Variants in INPP5B observed in about 807,000 individuals in gnomAD.
INPP5B encodes the protein inositol polyphosphate-5-phosphatase B.
Under a neutral mutation model 118.5 loss-of-function variants are expected in INPP5B, and 90 were observed. That is an observed-to-expected ratio of 0.76 (90% CI 0.64 to 0.90). The LOEUF (loss-of-function observed/expected upper bound fraction) is 0.90, where lower values mean the gene tolerates loss of function less well. INPP5B is among the 40% of genes least tolerant of loss of function. The pLI, the probability that INPP5B is intolerant of heterozygous loss-of-function variation, is 0.00. For missense variants in INPP5B, 984 were observed against 1,125.6 expected (o/e 0.87, Z 1.80); for synonymous variants, 385 against 418.9 (o/e 0.92, Z 0.99).
chr1:37,864,241 C>CCTCAACCTCATTT (rs1362429141), intron 23 of INPP5B, 71 bp downstream of exon 23: 2 of 854,342 alleles, frequency 2.3e-6, no homozygotes, highest in African/African-American at 3.4e-5. Flanking sequence ...CTGGGACCCT[C>CCTCAACCTCATTT]CTCAACCTCA....
intron 17 of INPP5B, 136 bp from the exon 18 acceptor site, chr1:37,874,291 C>A (rs1642653213): frequency 1.7e-6 from 1 of 575,976 alleles, no homozygotes; most frequent in Non-Finnish European, 2.7e-6. Flanking sequence ...AAGTATCTAC[C>A]TGGGAGGCCA....
At chr1:37,932,179 G>A (rs1174306948) in intron 6 of INPP5B, 126 bp from the exon 7 acceptor site, 3 of 899,194 alleles carry the variant, frequency 3.3e-6, no homozygotes, top group African/African-American at 1.7e-5. Flanking sequence ...TGCGCACTGA[G>A]GTTCAAATGC....
At chr1:37,931,718 T>G (rs761878850) in intron 7 of INPP5B, 195 bp downstream of exon 7, 4 of 1,557,288 alleles carry the variant, frequency 2.6e-6, no homozygotes, top group Admixed American at 1.8e-5. Context: ...GACATTTCCC[T>G]GCCTGCTTCC....
intron 7 of INPP5B, among the ~76,000 whole-genome samples, chr1:37,912,457 C>A (rs115036551): frequency 0.039 from 5,929 of 152,238 alleles, 384 homozygotes; most frequent in African/African-American, 0.14. Context: ...TAGGTCTATT[C>A]ATCCTTACCC....
intron 1 of INPP5B, among the ~76,000 whole-genome samples, 153 bp downstream of exon 1, chr1:37,946,837 C>CCTT (rs1235855970): frequency 3.9e-5 from 6 of 151,996 alleles, no homozygotes; most frequent in African/African-American, 1.5e-4. Flanking sequence ...TGCTGCTTGC[C>CCTT]CTTCACCCCC....
chr1:37,895,748 C>T (rs1230071634), intron 7 of INPP5B, among the ~76,000 whole-genome samples: 10 of 152,176 alleles, frequency 6.6e-5, no homozygotes, highest in Non-Finnish European at 1.3e-4. Context: ...CTCCTAACCG[C>T]GAGTGATCCG....
At chr1:37,891,539 C>T in intron 7 of INPP5B, 85 bp from the exon 8 acceptor site, 2 of 943,074 alleles carry the variant, frequency 2.1e-6, no homozygotes, top group East Asian at 2.5e-5. Flanking sequence ...CTTTGGGAGG[C>T]CAAGGTAGGT....
chr1:37,866,594 AAT>A (rs771958534), intron 20 of INPP5B, 51 bp from the exon 21 acceptor site: 1 of 1,123,844 alleles, frequency 8.9e-7, no homozygotes, highest in South Asian at 1.3e-5. Flanking sequence ...GAAAATCATC[AAT>A]GATTTCCTGA....
chr1:37,878,790 T>C (rs902293070), intron 15 of INPP5B, among the ~76,000 whole-genome samples: 7 of 151,782 alleles, frequency 4.6e-5, no homozygotes, highest in African/African-American at 1.7e-4. Flanking sequence ...GCTGGGACTA[T>C]AGGTGTGCAC....
intron 10 of INPP5B, 123 bp downstream of exon 10, chr1:37,888,120 G>A: frequency 1.9e-6 from 1 of 538,802 alleles, no homozygotes. Flanking sequence ...CATCAAACAG[G>A]GAAACAGCTG....
chr1:37,911,470 T>C (rs1285750089), intron 7 of INPP5B, among the ~76,000 whole-genome samples: 1 of 152,156 alleles, frequency 6.6e-6, no homozygotes, highest in Non-Finnish European at 1.5e-5. Flanking sequence ...TGATAACACT[T>C]GGTTTATTGA....
chr1:37,900,931 C>T (rs1644310177), intron 7 of INPP5B, among the ~76,000 whole-genome samples: 1 of 152,050 alleles, frequency 6.6e-6, no homozygotes, highest in African/African-American at 2.4e-5. Flanking sequence ...CCTGCCTCAG[C>T]CTCCTGAGTA....
intron 7 of INPP5B, among the ~76,000 whole-genome samples, chr1:37,915,786 G>GT (rs1292321529): frequency 6.6e-6 from 1 of 152,156 alleles, no homozygotes; most frequent in Non-Finnish European, 1.5e-5. Context: ...ATAATAACAT[G>GT]TTTTTTGTGT....
chr1:37,909,079 C>T (rs940358462), intron 7 of INPP5B, among the ~76,000 whole-genome samples: 4 of 152,186 alleles, frequency 2.6e-5, no homozygotes, highest in Non-Finnish European at 4.4e-5. Context: ...ATGACACTTT[C>T]GATTTCTCCA....
At chr1:37,890,675 G>C (rs532780043) in intron 8 of INPP5B, among the ~76,000 whole-genome samples, 2 of 152,202 alleles carry the variant, frequency 1.3e-5, no homozygotes, top group African/African-American at 4.8e-5. Context: ...TCAGAGTCAG[G>C]AAACACCTAA....
chr1:37,883,997 T>A (rs1181398078), intron 13 of INPP5B: 2 of 298,644 alleles, frequency 6.7e-6, no homozygotes, highest in Non-Finnish European at 9.9e-6. Context: ...CACAAGATGC[T>A]CTCAGAAGCT....
At chr1:37,938,819 G>A (rs1393734275) in intron 6 of INPP5B, among the ~76,000 whole-genome samples, 1 of 152,210 alleles carries the variant, frequency 6.6e-6, no homozygotes, top group Admixed American at 6.5e-5. Flanking sequence ...CACTTTGGGA[G>A]ACCAAGGTGG....
At chr1:37,864,039 T>G (rs1345780373) in intron 23 of INPP5B, among the ~76,000 whole-genome samples, 3 of 151,962 alleles carry the variant, frequency 2.0e-5, no homozygotes, top group African/African-American at 7.2e-5. Flanking sequence ...GGTCTTGAAC[T>G]CCTGACCTCA....
intron 18 of INPP5B, 91 bp downstream of exon 18, chr1:37,873,902 C>G: frequency 9.7e-7 from 1 of 1,025,874 alleles, no homozygotes; most frequent in Non-Finnish European, 1.3e-6. Context: ...ATAAAACACT[C>G]AAGCAAAAAG....
Sources: allele counts gnomAD v4.1 joint callset (sites outside exome capture counted in the v4.1 genomes callset), GRCh38; gene constraint gnomAD v4.1.1; transcripts MANE v1.5; gene names NCBI Gene and HGNC (gene_info 2026-07-23, HGNC 2026-07-21).